The following GNAQ variants were observed in gnomAD, a reference collection of about 807,000 sequenced individuals.
The protein encoded by GNAQ is G protein subunit alpha q.
GNAQ carries 8 observed loss-of-function variants against 43.9 expected under a neutral mutation model. The observed-to-expected ratio is 0.18, with a 90% CI of 0.11 to 0.33. GNAQ has a LOEUF of 0.33. Among genes scored for constraint, GNAQ ranks in the 10% least tolerant of loss-of-function variants. The probability of loss-of-function intolerance (pLI) is 1.00; values close to 1 mark genes in which losing one functional copy is unlikely to be tolerated. For missense variants in GNAQ, 158 were observed against 450.8 expected (o/e 0.35, Z 5.88); for synonymous variants, 155 against 170.7 (o/e 0.91, Z 0.71).
At chr9:77,944,901 A>G (rs1372115367) in intron 1 of GNAQ, among the ~76,000 whole-genome samples, 9 of 152,232 alleles carry the variant, frequency 5.9e-5, no homozygotes, top group Admixed American at 5.2e-4. Context: ...CAAAGAGAGC[A>G]AAGGAAACAA....
At chr9:77,963,409 G>A (rs1823129409) in intron 1 of GNAQ, among the ~76,000 whole-genome samples, 3 of 152,152 alleles carry the variant, frequency 2.0e-5, no homozygotes, top group Admixed American at 2.0e-4. Flanking sequence ...CACTCAGTGG[G>A]TGCCCAGGTC....
intron 1 of GNAQ, among the ~76,000 whole-genome samples, chr9:77,938,141 A>T (rs978612579): frequency 6.6e-6 from 1 of 152,188 alleles, no homozygotes; most frequent in African/African-American, 2.4e-5. Flanking sequence ...TACATTACTT[A>T]TAATACCTGA....
intron 1 of GNAQ, among the ~76,000 whole-genome samples, chr9:77,925,761 A>T (rs1829062934): frequency 6.6e-6 from 1 of 152,342 alleles, no homozygotes; most frequent in Admixed American, 6.5e-5. Context: ...GCACTAGAAC[A>T]GAATTCAGCC....
In GNAQ at chr9:77,883,444, GA is replaced by G. The variant is rs542167233; in HGVS notation, c.321+38716del. 4.1e-3 allele frequency among the ~76,000 whole-genome samples: 613 copies of G among 148,618 alleles called. 1 individual carries two copies. Among genetic ancestry groups the G allele is most frequent in the African/African-American group, 0.014 (574 of 40,696 alleles). ...AGGAACAGTGGTTACTTCTGACAGA[GA>G]AAAAAGGGGGTAGTTTTTTTTTTTT... On this transcript the variant is annotated intron_variant, in intron 2 of 6. Coordinates refer to ENST00000286548, the MANE Select transcript of GNAQ (RefSeq NM_002072.5).
At chr9:77,834,679 G>A (rs1051995988) in intron 2 of GNAQ, among the ~76,000 whole-genome samples, 1 of 152,144 alleles carries the variant, frequency 6.6e-6, no homozygotes, top group Non-Finnish European at 1.5e-5. Flanking sequence ...CTGGATGCTG[G>A]TGGGAGCAAG....
chr9:77,801,768 A>G (rs1400243725), intron 3 of GNAQ, among the ~76,000 whole-genome samples: 3 of 152,204 alleles, frequency 2.0e-5, no homozygotes, highest in East Asian at 3.9e-4. Context: ...AAAACCTCCA[A>G]CTAAACAAAA....
chr9:77,777,218 A>G (rs545140101), intron 5 of GNAQ, among the ~76,000 whole-genome samples: 1 of 152,246 alleles, frequency 6.6e-6, no homozygotes, highest in East Asian at 1.9e-4. Flanking sequence ...TATACCATAT[A>G]AAGATGGTCC....
intron 1 of GNAQ, among the ~76,000 whole-genome samples, chr9:78,014,309 A>T (rs1309180558): frequency 6.6e-6 from 1 of 152,084 alleles, no homozygotes; most frequent in African/African-American, 2.4e-5. Flanking sequence ...GAAAAGATTC[A>T]CTCAGGCTGA....
chr9:78,026,847 A>T (rs1823986273), intron 1 of GNAQ, among the ~76,000 whole-genome samples: 1 of 152,116 alleles, frequency 6.6e-6, no homozygotes, highest in African/African-American at 2.4e-5. Context: ...AAATGTTCTA[A>T]CTGCAATTCC....
At chr9:77,862,952 G>A (rs538568043) in intron 2 of GNAQ, among the ~76,000 whole-genome samples, 4 of 152,288 alleles carry the variant, frequency 2.6e-5, no homozygotes, top group African/African-American at 7.2e-5. Context: ...GCTGAGGCAC[G>A]AGGATCACCT....
intron 5 of GNAQ, among the ~76,000 whole-genome samples, chr9:77,768,950 T>C (rs1174615759): frequency 6.6e-6 from 1 of 152,208 alleles, no homozygotes; most frequent in Admixed American, 6.5e-5. Flanking sequence ...TAGAATGAGA[T>C]GGCTAGCACT....
At chr9:77,896,895 A>G (rs1828513012) in intron 2 of GNAQ, among the ~76,000 whole-genome samples, 1 of 152,230 alleles carries the variant, frequency 6.6e-6, no homozygotes, top group South Asian at 2.1e-4. Context: ...TTCCTTCACT[A>G]TTTGTCATAA....
At chr9:77,952,003 C>G (rs1392912223) in intron 1 of GNAQ, among the ~76,000 whole-genome samples, 1 of 152,214 alleles carries the variant, frequency 6.6e-6, no homozygotes, top group Non-Finnish European at 1.5e-5. Context: ...CGTCTAGCTT[C>G]AGCCGAAAGG....
chr9:77,719,838 G>A lies in GNAQ; in HGVS notation c.*1485C>T, dbSNP rs1026190454. ...TACATGTTCTATAGAACACTGAGAG[G>A]TTACTTTTGAGTTAAGTCCACAAAT... On this transcript the variant is annotated 3_prime_UTR_variant, in exon 7 of 7. Transcript: ENST00000286548. The A allele has an allele frequency of 1.3e-5, 3 of 232,466 alleles. No individual in the cohort carries two copies. The highest frequency in any genetic ancestry group is 2.2e-5 in the African/African-American group (1 of 45,280). 14.4% of individuals were successfully genotyped at this position (232,466 alleles called of 1,614,324 possible).
chr9:77,726,907 T>C (rs1825404653), intron 6 of GNAQ, among the ~76,000 whole-genome samples: 1 of 152,120 alleles, frequency 6.6e-6, no homozygotes, highest in African/African-American at 2.4e-5. Context: ...CACAGAGTAA[T>C]TGAGGCTTTG....
At chr9:77,989,413 G>T (rs1253810189) in intron 1 of GNAQ, among the ~76,000 whole-genome samples, 1 of 152,160 alleles carries the variant, frequency 6.6e-6, no homozygotes, top group African/African-American at 2.4e-5. Context: ...AAATTCCCTA[G>T]TGACTGAGCT....
In GNAQ at chr9:77,929,490, C is replaced by CT. The variant is rs539801111; in HGVS notation, c.137-7146dup. ...ACATTTTGATATATTTCTTTCCAGT[C>CT]TTTTTTTTCTAGGTAAATGTACTTT... On this transcript the variant is annotated intron_variant, in intron 1 of 6. Transcript: ENST00000286548. 8.5e-5 allele frequency among the ~76,000 whole-genome samples: 13 copies of CT among 152,088 alleles called. No homozygotes were observed. The East Asian group carries it at 1.9e-3, about 23-fold the overall frequency.
At chr9:77,795,049 G>A (rs1158154553) in intron 4 of GNAQ, among the ~76,000 whole-genome samples, 1 of 152,168 alleles carries the variant, frequency 6.6e-6, no homozygotes, top group African/African-American at 2.4e-5. Context: ...TATGTGAGAT[G>A]CTATACAATT....
chr9:77,885,582 A>C (rs1432118096), intron 2 of GNAQ, among the ~76,000 whole-genome samples: 2 of 152,160 alleles, frequency 1.3e-5, no homozygotes, highest in African/African-American at 4.8e-5. Context: ...ACAGCATTCT[A>C]CATTTACAGC....
Sources: allele counts gnomAD v4.1 joint callset (sites outside exome capture counted in the v4.1 genomes callset), GRCh38; gene constraint gnomAD v4.1.1; transcripts MANE v1.5; gene names NCBI Gene and HGNC (gene_info 2026-07-23, HGNC 2026-07-21).